The following ANO1 variants were observed in gnomAD, a reference collection of about 807,000 sequenced individuals.
ANO1 encodes anoctamin-1.
ANO1 carries 59 observed loss-of-function variants against 124.0 expected under a neutral mutation model. The ratio of observed to expected loss-of-function variants is 0.48; its 90% CI spans 0.39 to 0.59. The LOEUF is 0.59. Among genes scored for constraint, ANO1 ranks in the 20% least tolerant of loss-of-function variants. The pLI is 0.00. For missense variants in ANO1, 1,059 were observed against 1,328.0 expected, an observed-to-expected ratio of 0.80 and a Z score of 3.15; for synonymous variants, 529 against 532.0, an observed-to-expected ratio of 0.99 and a Z score of 0.08.
At chr11:70,039,597 G>T (rs369218804) in intron 1 of ANO1, among the ~76,000 whole-genome samples, 1 of 150,082 alleles carries the variant, frequency 6.7e-6, no homozygotes, top group South Asian at 2.1e-4. Context: ...CTCCCCTTCC[G>T]CAGGTGGTAG....
chr11:69,996,856 C>A (rs1856279386), intron 1 of ANO1, among the ~76,000 whole-genome samples: 1 of 152,228 alleles, frequency 6.6e-6, no homozygotes, highest in African/African-American at 2.4e-5. Context: ...TTCCTCCTGC[C>A]TGTCTCTGTA....
chr11:70,004,890 A>G (rs528941709), intron 1 of ANO1, among the ~76,000 whole-genome samples: 1 of 152,128 alleles, frequency 6.6e-6, no homozygotes, highest in Non-Finnish European at 1.5e-5. Flanking sequence ...AGGTGGGTGG[A>G]TCACCTGAGG....
chr11:69,974,542 G>A, the ANO1 span, among the ~76,000 whole-genome samples: 1 of 152,226 alleles, frequency 6.6e-6, no homozygotes, highest in African/African-American at 2.4e-5. Flanking sequence ...GTGTGCAGCA[G>A]TAGTCTCTTG....
intron 11 of ANO1, among the ~76,000 whole-genome samples, chr11:70,146,627 A>G (rs554616662): frequency 2.6e-5 from 4 of 152,284 alleles, no homozygotes; most frequent in East Asian, 3.9e-4. Context: ...AAGCCCCACA[A>G]TAGGCTGTCT....
At chr11:70,122,057 G>C (rs200249818) in intron 8 of ANO1, among the ~76,000 whole-genome samples, 5 of 68,974 alleles carry the variant, frequency 7.2e-5, no homozygotes, top group South Asian at 5.3e-4. Context: ...CTCTGTCTCT[G>C]TCTCTCCATC....
chr11:70,049,716 GTTTGT>G (rs1221502248), intron 1 of ANO1, among the ~76,000 whole-genome samples: 4 of 136,686 alleles, frequency 2.9e-5, no homozygotes, highest in Non-Finnish European at 4.8e-5. Flanking sequence ...TTGTTTGTTT[GTTTGT>G]TTTGTTTTTG....
chr11:70,106,118 C>T (rs946467364), intron 5 of ANO1, among the ~76,000 whole-genome samples: 3 of 152,088 alleles, frequency 2.0e-5, no homozygotes, highest in East Asian at 1.9e-4. Context: ...TGGGATTGTG[C>T]GTGCCTGACC....
At position 70,138,116 on chromosome 11, in the gene ANO1, G is replaced by A. The variant is rs1183582940; in HGVS notation, c.1258+6037G>A. Among the ~76,000 whole-genome samples, 3 of 145,682 alleles carry A rather than the reference G, an allele frequency of 2.1e-5. 1 individual carries two copies. Among genetic ancestry groups the A allele is most frequent in the South Asian group, 2.4e-4 (1 of 4,126 alleles). ...TCCCAGCACTTTGGGAGGCCAAGGC[G>A]GGCAGATCACCTGAGGTCAGAAGCT... On this transcript the variant is annotated intron_variant, in intron 11 of 25. Transcript: ENST00000355303.
chr11:70,005,810 CTTG>C (rs1554999951), intron 1 of ANO1, among the ~76,000 whole-genome samples: 1 of 152,154 alleles, frequency 6.6e-6, no homozygotes, highest in South Asian at 2.1e-4. Flanking sequence ...CTTTTGACTC[CTTG>C]TTAAGAGCAG....
chr11:70,166,240 C>T (rs1224535851), intron 20 of ANO1, among the ~76,000 whole-genome samples: 1 of 152,174 alleles, frequency 6.6e-6, no homozygotes, highest in African/African-American at 2.4e-5. Flanking sequence ...ACCCCTTGAA[C>T]CCAGGAGGTG....
chr11:70,086,155 G>A (rs189171229), intron 1 of ANO1, among the ~76,000 whole-genome samples: 20 of 152,332 alleles, frequency 1.3e-4, no homozygotes, highest in Admixed American at 7.8e-4. Context: ...GAAACCAGGC[G>A]GCCAGCTCGA....
intron 1 of ANO1, among the ~76,000 whole-genome samples, chr11:69,992,109 G>A (rs1554997607): frequency 6.6e-6 from 1 of 152,212 alleles, no homozygotes; most frequent in South Asian, 2.1e-4. Flanking sequence ...GCCATGGCAG[G>A]CCTGGTGAAA....
the ANO1 span, among the ~76,000 whole-genome samples, chr11:69,972,065 ATAAAT>A: frequency 1.4e-4 from 21 of 151,498 alleles, no homozygotes; most frequent in Non-Finnish European, 2.4e-4. Flanking sequence ...TACTAAAAAA[ATAAAT>A]AAATAAATAA....
chr11:69,972,776 C>T, the ANO1 span, among the ~76,000 whole-genome samples: 1 of 152,104 alleles, frequency 6.6e-6, no homozygotes, highest in South Asian at 2.1e-4. Context: ...TCTGCGTGGT[C>T]GAGATGTTCT....
chr11:70,154,460 C>CTTTTTT (rs35077245), intron 14 of ANO1, among the ~76,000 whole-genome samples: 18 of 84,256 alleles, frequency 2.1e-4, no homozygotes, highest in Non-Finnish European at 2.4e-4. Context: ...GGAAGTATGT[C>CTTTTTT]TTTTTTTTTT....
intron 1 of ANO1, among the ~76,000 whole-genome samples, chr11:70,038,368 C>G (rs1857128106): frequency 6.6e-6 from 1 of 152,166 alleles, no homozygotes; most frequent in Admixed American, 6.5e-5. Flanking sequence ...CCCATTCCGA[C>G]CAATGGAAAT....
At chr11:70,058,453 G>T (rs553979912) in intron 1 of ANO1, among the ~76,000 whole-genome samples, 2 of 152,212 alleles carry the variant, frequency 1.3e-5, no homozygotes, top group Non-Finnish European at 2.9e-5. Flanking sequence ...GTCAACCTGG[G>T]CCTGAAGGAT....
chr11:70,007,601 T>G lies in ANO1; in HGVS notation c.58+21435T>G, dbSNP rs1310566472. Among the ~76,000 whole-genome samples the G allele has an allele frequency of 2.0e-5, 3 of 152,286 alleles. No homozygotes were observed. The East Asian group carries it at 5.8e-4, about 29-fold the overall frequency. Reference sequence around the variant, plus strand: ...GGCCACCTCCTTTCTTTTTAAGGCTTAACAATATCTCATTGTATGGTAGAC... The same window carrying G: ...GGCCACCTCCTTTCTTTTTAAGGCTGAACAATATCTCATTGTATGGTAGAC... On this transcript the variant is annotated intron_variant, in intron 1 of 27. Transcript: ENST00000531349.
At chr11:70,096,439 TCTG>T (rs2044964857) in intron 2 of ANO1, among the ~76,000 whole-genome samples, 1 of 152,216 alleles carries the variant, frequency 6.6e-6, no homozygotes, top group Non-Finnish European at 1.5e-5. Context: ...CTACCTGAGC[TCTG>T]CCTCCTGTCA....
Sources: gnomAD v4.1 joint callset for allele counts (sites outside exome capture counted in the v4.1 genomes callset) on GRCh38, gnomAD v4.1.1 for gene constraint, MANE v1.5 for transcripts, NCBI Gene and HGNC (gene_info 2026-07-23, HGNC 2026-07-21) for gene names.